The following GABRA3 variants were observed in gnomAD, a reference collection of about 807,000 sequenced individuals.
GABRA3 encodes the protein gamma-aminobutyric acid type A receptor subunit alpha3.
In GABRA3, 10 loss-of-function variants were observed where a neutral mutation model predicts 30.1. The ratio of observed to expected loss-of-function variants is 0.33; its 90% CI spans 0.20 to 0.56. GABRA3 has a LOEUF of 0.56. Among genes scored for constraint, GABRA3 ranks in the 20% least tolerant of loss-of-function variants. The probability of loss-of-function intolerance (pLI) is 0.89; values close to 1 mark genes in which losing one functional copy is unlikely to be tolerated. For synonymous variants in GABRA3, 151 were observed against 146.8 expected (o/e 1.03, Z -0.21); for missense variants, 233 against 392.0 (o/e 0.59, Z 3.42).
intron 1 of GABRA3, among the ~76,000 whole-genome samples, chrX:152,387,467 G>A (rs1170652475): frequency 1.8e-5 from 2 of 111,491 alleles, no homozygotes; most frequent in African/African-American, 6.5e-5. Context: ...AAATAAGTTC[G>A]TTACAGGCTT....
At chrX:152,243,322 G>A (rs934754987) in intron 5 of GABRA3, among the ~76,000 whole-genome samples, 6 of 111,685 alleles carry the variant, frequency 5.4e-5, no homozygotes, top group African/African-American at 2.0e-4. Flanking sequence ...TTTAAAAATC[G>A]CTGAGAGCAG....
chrX:152,397,746 C>T (rs1603254295), intron 1 of GABRA3, among the ~76,000 whole-genome samples: 2 of 111,736 alleles, frequency 1.8e-5, no homozygotes, highest in East Asian at 2.8e-4. Flanking sequence ...GGAGAAATTT[C>T]TCCTGTTTAT....
chrX:152,264,772 C>T (rs1339849239), intron 4 of GABRA3, among the ~76,000 whole-genome samples: 2 of 110,723 alleles, frequency 1.8e-5, no homozygotes, highest in African/African-American at 6.6e-5. Context: ...TTTAAAGACA[C>T]ATGTAAACTG....
chrX:152,346,997 C>T (rs1382106006), intron 2 of GABRA3, among the ~76,000 whole-genome samples: 1 of 111,714 alleles, frequency 9.0e-6, no homozygotes. Context: ...TGGGTATATA[C>T]CCCAAAGAAA....
intron 5 of GABRA3, among the ~76,000 whole-genome samples, chrX:152,240,657 C>A (rs1938341220): frequency 1.0e-5 from 1 of 99,353 alleles, no homozygotes; most frequent in Non-Finnish European, 1.9e-5. Context: ...TTGGTCTTTT[C>A]ACATAGTCCC....
chrX:152,312,070 A>G (rs963826511), intron 3 of GABRA3, among the ~76,000 whole-genome samples: 11 of 111,974 alleles, frequency 9.8e-5, no homozygotes, highest in Non-Finnish European at 1.9e-4. Flanking sequence ...GAGATGACAC[A>G]AACAAATGGA....
At chrX:152,356,579 G>C (rs1330016489) in intron 2 of GABRA3, among the ~76,000 whole-genome samples, 7 of 111,384 alleles carry the variant, frequency 6.3e-5, no homozygotes, top group Admixed American at 1.9e-4. Flanking sequence ...GTCTAATTTT[G>C]TCATAATTTT....
intron 1 of GABRA3, among the ~76,000 whole-genome samples, chrX:152,383,232 A>G (rs1299098743): frequency 9.4e-6 from 1 of 106,807 alleles, no homozygotes; most frequent in East Asian, 3.0e-4. Context: ...TGAAAATACA[A>G]AAAAAAATTA....
chrX:152,199,533 G>C (rs931102551), intron 7 of GABRA3, among the ~76,000 whole-genome samples: 3 of 110,619 alleles, frequency 2.7e-5, no homozygotes, highest in Non-Finnish European at 3.8e-5. Flanking sequence ...GCTTTGATTT[G>C]AGACTTCTAG....
rs567240539 is a variant in GABRA3, at chrX:152,253,107, C to T, written c.551+2671G>A. On this transcript the variant is annotated intron_variant, in intron 5 of 9. Transcript: ENST00000370314. ...TGATACTGCACATTGTTAACAGCTC[C>T]CTGACATTTTCTTCCTGGTTTCTTT... is the stretch of plus-strand genomic sequence containing the variant. Among the ~76,000 whole-genome samples, 16 of 111,244 alleles carry T rather than the reference C, an allele frequency of 1.4e-4. No homozygotes were observed. In the South Asian group the frequency reaches 5.3e-3, roughly 37 times the overall value.
intron 1 of GABRA3, among the ~76,000 whole-genome samples, chrX:152,390,472 T>C (rs1205528141): frequency 2.7e-4 from 30 of 112,123 alleles, no homozygotes; most frequent in Non-Finnish European, 3.8e-5. Context: ...TACAAGTATG[T>C]TTGAGGAAAA....
chrX:152,279,035 A>G (rs2124434984), intron 4 of GABRA3, among the ~76,000 whole-genome samples: 1 of 111,678 alleles, frequency 9.0e-6, no homozygotes, highest in African/African-American at 3.3e-5. Flanking sequence ...AGTAGATTTC[A>G]AAAATTTTCT....
intron 3 of GABRA3, among the ~76,000 whole-genome samples, chrX:152,328,755 C>T (rs1411277930): frequency 9.0e-6 from 1 of 111,507 alleles, no homozygotes; most frequent in Non-Finnish European, 1.9e-5. Context: ...ACTGAATGGG[C>T]AAAAACTGGA....
chrX:152,236,057 A>G (rs1938201630), intron 5 of GABRA3, among the ~76,000 whole-genome samples: 1 of 93,446 alleles, frequency 1.1e-5, no homozygotes, highest in Non-Finnish European at 2.1e-5. Flanking sequence ...GGTTAGTTAC[A>G]TATGTATACA....
chrX:152,332,102 G>A lies in GABRA3; in HGVS notation c.262+13479C>T, dbSNP rs1940173027. On this transcript the variant is annotated intron_variant, in intron 3 of 9. Transcript: ENST00000370314. Reference sequence around the variant, plus strand: ...AATCAAAACAGCCCATCAAAATGCTGTAGTTATCTCCTGAATGTCAAAGGA... The same window carrying A: ...AATCAAAACAGCCCATCAAAATGCTATAGTTATCTCCTGAATGTCAAAGGA... Among the ~76,000 whole-genome samples the A allele has an allele frequency of 2.7e-5, 3 of 111,672 alleles. No homozygotes were observed. In the Admixed American group the frequency reaches 2.9e-4, roughly 11 times the overall value.
intron 8 of GABRA3, among the ~76,000 whole-genome samples, chrX:152,190,887 TA>T (rs1234659762): frequency 9.2e-6 from 1 of 108,301 alleles, no homozygotes; most frequent in African/African-American, 3.4e-5. Flanking sequence ...TATATATATA[TA>T]ATATAAAATT....
intron 1 of GABRA3, among the ~76,000 whole-genome samples, chrX:152,444,934 G>A (rs1194528860): frequency 2.2e-5 from 2 of 92,171 alleles, no homozygotes; most frequent in African/African-American, 7.7e-5. Flanking sequence ...GGTGGCGGGC[G>A]CCTGTAGTCC....
chrX:152,220,412 T>C (rs1051353501), intron 6 of GABRA3, among the ~76,000 whole-genome samples: 22 of 111,920 alleles, frequency 2.0e-4, no homozygotes, highest in Non-Finnish European at 3.8e-4. Flanking sequence ...CATTGCTGTA[T>C]AGTATTTCAT....
intron 3 of GABRA3, among the ~76,000 whole-genome samples, chrX:152,337,322 G>C (rs1165569316): frequency 1.8e-5 from 2 of 110,888 alleles, no homozygotes; most frequent in African/African-American, 6.6e-5. Context: ...CTATCTAATT[G>C]TATATTTATA....
Sources: gnomAD v4.1 joint callset for allele counts (sites outside exome capture counted in the v4.1 genomes callset) on GRCh38, gnomAD v4.1.1 for gene constraint, MANE v1.5 for transcripts, NCBI Gene and HGNC (gene_info 2026-07-23, HGNC 2026-07-21) for gene names.